Variants in NTRK2 observed in about 807,000 individuals in gnomAD.
NTRK2 encodes neurotrophic receptor tyrosine kinase 2, also known as BDNF/NT-3 growth factors receptor.
Under a neutral mutation model 94.5 loss-of-function variants are expected in NTRK2, and 13 were observed. The ratio of observed to expected loss-of-function variants is 0.14; its 90% CI spans 0.09 to 0.22. The LOEUF is 0.22. NTRK2 is among the 10% of genes least tolerant of loss of function. The pLI, the probability that NTRK2 is intolerant of heterozygous loss-of-function variation, is 1.00. For synonymous variants in NTRK2, 372 were observed against 407.4 expected (o/e 0.91, Z 1.05); for missense variants, 639 against 1,071.2 (o/e 0.60, Z 5.63).
intron 12 of NTRK2, among the ~76,000 whole-genome samples, chr9:84,770,721 C>T (rs1415792468): frequency 1.3e-5 from 2 of 151,826 alleles, no homozygotes; most frequent in Admixed American, 6.6e-5. Flanking sequence ...CTGAGAGGGC[C>T]GTTGTGGGCC....
intron 16 of NTRK2, among the ~76,000 whole-genome samples, chr9:84,950,401 C>T (rs1055550831): frequency 3.9e-5 from 6 of 152,146 alleles, no homozygotes; most frequent in Non-Finnish European, 8.8e-5. Context: ...GTGGAAGTGG[C>T]AAATACATTA....
chr9:84,889,932 A>G (rs1290973657), intron 14 of NTRK2, among the ~76,000 whole-genome samples: 2 of 152,146 alleles, frequency 1.3e-5, no homozygotes, highest in Non-Finnish European at 2.9e-5. Flanking sequence ...CATAACCTCA[A>G]TCAGCCTCAG....
chr9:84,814,125 G>A, intron 12 of NTRK2: 2 of 1,065,352 alleles, frequency 1.9e-6, no homozygotes, highest in Non-Finnish European at 1.1e-6. Context: ...GACCCACTAG[G>A]TTTTCTTTCC....
chr9:84,857,101 A>C (rs2075101873), intron 12 of NTRK2, among the ~76,000 whole-genome samples: 1 of 147,324 alleles, frequency 6.8e-6, no homozygotes, highest in African/African-American at 2.7e-5. Context: ...AAATTTGAAA[A>C]AGTGTTTTTT....
intron 12 of NTRK2, among the ~76,000 whole-genome samples, chr9:84,844,645 TCACTCACACACACACACA>T: frequency 9.8e-6 from 1 of 101,726 alleles, no homozygotes; most frequent in East Asian, 2.7e-4. Context: ...ATGTAATACC[TCACTCACACACACACACA>T]CACACACACA....
Position 85,022,796 on chromosome 9 carries a change from G to A in NTRK2, c.*1359G>A. 1 of 233,136 alleles carries A rather than the reference G, an allele frequency of 4.3e-6. No individual in the cohort carries two copies. Among genetic ancestry groups the A allele is most frequent in the Non-Finnish European group, 8.5e-6 (1 of 117,992 alleles). 14.4% of individuals were successfully genotyped at this position (233,136 alleles called of 1,614,324 possible). On this transcript the variant is annotated 3_prime_UTR_variant, in exon 19 of 19. Coordinates refer to ENST00000277120, the MANE Select transcript of NTRK2 (RefSeq NM_006180.6). ...TGTCTCTGCGTTGTACGGTGGTGAT[G>A]GGTTTTAATGAATATGGACCCTGAA...
intron 18 of NTRK2, 118 bp downstream of exon 18, chr9:85,020,482 T>C: frequency 9.6e-7 from 1 of 1,043,014 alleles, no homozygotes; most frequent in Non-Finnish European, 1.5e-6. Context: ...TGGGCTTTGT[T>C]GGTGGCAGCA....
intron 17 of NTRK2, among the ~76,000 whole-genome samples, chr9:84,969,272 A>G (rs893003839): frequency 1.3e-5 from 2 of 152,368 alleles, no homozygotes; most frequent in East Asian, 3.9e-4. Context: ...GAGTTGGTCC[A>G]GAACGATCAC....
chr9:84,967,972 T>C (rs1040744053), intron 17 of NTRK2, among the ~76,000 whole-genome samples: 5 of 152,262 alleles, frequency 3.3e-5, no homozygotes, highest in Middle Eastern at 3.4e-3. Context: ...TCTGGAAAAC[T>C]CATTAGACTT....
intron 12 of NTRK2, among the ~76,000 whole-genome samples, chr9:84,856,363 A>G (rs1319356748): frequency 6.6e-6 from 1 of 152,218 alleles, no homozygotes. Context: ...CTTGGCCCCA[A>G]ACTACACTGT....
Position 84,855,767 on chromosome 9 carries a change from G to A in NTRK2, c.1397-5273G>A, listed in dbSNP as rs1343254016. 5.3e-5 allele frequency among the ~76,000 whole-genome samples: 8 copies of A among 152,154 alleles called. No individual in the cohort carries two copies. In the East Asian group the frequency reaches 9.7e-4, roughly 18 times the overall value. On this transcript the variant is annotated intron_variant, in intron 12 of 18. Transcript: ENST00000277120. ...CTGAGATGCATTCTACTCTGTCTAC[G>A]CCCACATAACAATACCAAGAGAATT...
At chr9:84,804,576 C>G (rs552650558) in intron 12 of NTRK2, among the ~76,000 whole-genome samples, 1 of 152,148 alleles carries the variant, frequency 6.6e-6, no homozygotes, top group African/African-American at 2.4e-5. Flanking sequence ...TCATTAACCT[C>G]TTGTTTGGAC....
chr9:84,942,837 C>T (rs527821493), intron 15 of NTRK2, among the ~76,000 whole-genome samples: 1 of 152,120 alleles, frequency 6.6e-6, no homozygotes, highest in Admixed American at 6.5e-5. Flanking sequence ...TCACTAGCCA[C>T]CTGTGACTGT....
chr9:85,016,286 C>A (rs1190281873), intron 17 of NTRK2, among the ~76,000 whole-genome samples: 1 of 152,180 alleles, frequency 6.6e-6, no homozygotes, highest in Non-Finnish European at 1.5e-5. Context: ...GAACTCCAGT[C>A]TCTTGGGTTG....
chr9:84,900,004 G>A (rs1013829399), intron 14 of NTRK2, among the ~76,000 whole-genome samples: 3 of 152,218 alleles, frequency 2.0e-5, no homozygotes, highest in Non-Finnish European at 2.9e-5. Context: ...TCAGGGTGGT[G>A]TAAAGGAAGC....
chr9:84,740,221 T>A (rs549267971), intron 9 of NTRK2, among the ~76,000 whole-genome samples: 1 of 152,318 alleles, frequency 6.6e-6, no homozygotes, highest in Admixed American at 6.5e-5. Context: ...CTGAGTCCCC[T>A]GCAAGTGACA....
intron 14 of NTRK2, among the ~76,000 whole-genome samples, chr9:84,914,467 A>C (rs2077335845): frequency 6.6e-6 from 1 of 152,076 alleles, no homozygotes; most frequent in Admixed American, 6.6e-5. Context: ...CTTCTGTTTG[A>C]GATGGTTTCC....
At chr9:84,798,368 G>A (rs894122744) in intron 12 of NTRK2, among the ~76,000 whole-genome samples, 1 of 152,014 alleles carries the variant, frequency 6.6e-6, no homozygotes, top group Non-Finnish European at 1.5e-5. Context: ...CCATAGGAGG[G>A]GTATTAATTT....
intron 17 of NTRK2, among the ~76,000 whole-genome samples, chr9:84,978,498 A>G (rs949733084): frequency 2.6e-5 from 4 of 152,246 alleles, no homozygotes; most frequent in African/African-American, 7.2e-5. Context: ...GTTGGAAGCT[A>G]GCAGTGATTG....
Sources: allele counts gnomAD v4.1 joint callset (sites outside exome capture counted in the v4.1 genomes callset), GRCh38; gene constraint gnomAD v4.1.1; transcripts MANE v1.5; gene names NCBI Gene and HGNC (gene_info 2026-07-23, HGNC 2026-07-21).